Variants in PPEF2 observed in about 807,000 individuals in gnomAD.
The protein encoded by PPEF2 is protein phosphatase with EF-hand domain 2, also known as serine/threonine-protein phosphatase with EF-hands 2.
Under a neutral mutation model 84.7 loss-of-function variants are expected in PPEF2, and 84 were observed. The observed-to-expected ratio is 0.99, with a 90% CI of 0.83 to 1.19. The LOEUF (loss-of-function observed/expected upper bound fraction) is 1.19, where lower values mean the gene tolerates loss of function less well. Ranked by LOEUF, PPEF2 falls within the 50% of genes most tolerant of loss-of-function variation. The probability of loss-of-function intolerance (pLI) is 0.00; values close to 1 mark genes in which losing one functional copy is unlikely to be tolerated. For missense variants in PPEF2, 924 were observed against 937.5 expected, an observed-to-expected ratio of 0.99 and a Z score of 0.19; for synonymous variants, 346 against 345.2, an observed-to-expected ratio of 1.00 and a Z score of -0.03.
Position 75,867,167 on chromosome 4 carries a change from T to C in PPEF2, c.1756+146A>G, listed in dbSNP as rs1203094652. 3 of 555,276 alleles carry C rather than the reference T, an allele frequency of 5.4e-6. No individual in the cohort carries two copies. In the African/African-American group the frequency reaches 5.8e-5, roughly 11 times the overall value. 34.4% of individuals were successfully genotyped at this position (555,276 alleles called of 1,614,324 possible). ...AAATTTAGTTAGAATAAATGAGACA[T>C]TAAGTTGAATAAAATGGAGGATATA... is the stretch of plus-strand genomic sequence containing the variant. On this transcript the variant is annotated intron_variant, in intron 14 of 16. Transcript: ENST00000286719.
At chr4:75,888,621 T>C (rs1724795000) in intron 5 of PPEF2, among the ~76,000 whole-genome samples, 1 of 152,220 alleles carries the variant, frequency 6.6e-6, no homozygotes, top group Non-Finnish European at 1.5e-5. Flanking sequence ...ATGTGATTGT[T>C]TCAGTAAAGT....
chr4:75,874,718 A>G (rs558292737), intron 11 of PPEF2, among the ~76,000 whole-genome samples: 1 of 152,148 alleles, frequency 6.6e-6, no homozygotes. Context: ...TATAATTTCA[A>G]TTCTAAATTG....
At chr4:75,874,755 C>T (rs1347054941) in intron 11 of PPEF2, among the ~76,000 whole-genome samples, 2 of 152,194 alleles carry the variant, frequency 1.3e-5, no homozygotes, top group African/African-American at 4.8e-5. Context: ...CAATAACTGA[C>T]AGAACATTAA....
chr4:75,874,147 T>A (rs898027457), intron 11 of PPEF2, among the ~76,000 whole-genome samples: 32 of 151,808 alleles, frequency 2.1e-4, no homozygotes, highest in African/African-American at 7.3e-4. Flanking sequence ...AATAAATAAA[T>A]AAATAATTGC....
At chr4:75,872,423 A>C (rs1036693279) in intron 12 of PPEF2, among the ~76,000 whole-genome samples, 3 of 152,216 alleles carry the variant, frequency 2.0e-5, no homozygotes, top group Admixed American at 2.0e-4. Context: ...TCCCAAGTGA[A>C]AATAGCAAGG....
At chr4:75,882,056 T>C (rs991790218) in intron 10 of PPEF2, 2 of 152,176 alleles carry the variant, frequency 1.3e-5, no homozygotes, top group Non-Finnish European at 2.9e-5. Flanking sequence ...GCTTTCCATT[T>C]CCAAAATGAA....
At chr4:75,891,059 C>T (rs1172450626) in intron 4 of PPEF2, among the ~76,000 whole-genome samples, 1 of 152,010 alleles carries the variant, frequency 6.6e-6, no homozygotes, top group African/African-American at 2.4e-5. Flanking sequence ...TGGTGCACAC[C>T]TGTAATCCCA....
chr4:75,877,813 G>T (rs1482439862), intron 10 of PPEF2, among the ~76,000 whole-genome samples: 1 of 151,918 alleles, frequency 6.6e-6, no homozygotes, highest in Non-Finnish European at 1.5e-5. Context: ...TTTTACGAAA[G>T]TATTGATCTG....
rs745820921 is a variant in PPEF2 at position 75,896,347 on chromosome 4, C to T, written c.-22G>A. 6.2e-7 allele frequency: 1 copy of T among 1,612,874 alleles called. No homozygotes were observed. The highest frequency in any genetic ancestry group is 1.1e-5 in the South Asian group (1 of 91,048). Reference sequence around the variant, plus strand: ...CCATAGTTTAAGCGCAATGCTCCTGCAGGACGCAGCAGATCCAGAGGACAG... The same window carrying T: ...CCATAGTTTAAGCGCAATGCTCCTGTAGGACGCAGCAGATCCAGAGGACAG... On this transcript the variant is annotated 5_prime_UTR_variant, in exon 2 of 17. Coordinates refer to ENST00000286719, the MANE Select transcript of PPEF2 (RefSeq NM_006239.3).
In PPEF2 at chr4:75,873,138, G is replaced by A. The variant is rs1043250497; in HGVS notation, c.1495C>T (p.His499Tyr). Residue 499 changes from histidine to tyrosine, a missense_variant, in exon 12 of 17, where the codon CAC (histidine) becomes TAC (tyrosine). His to Tyr is a moderately conservative substitution (Grantham distance 83). Coordinates refer to ENST00000286719, the MANE Select transcript of PPEF2 (RefSeq NM_006239.3). ...ECKPEGYEFC[H>Y]NRKVLTIFSA... ...GAGGGAGCACCCACCTTGCGGTTGT[G>A]ACAGAATTCATAGCCTTCAGGTTTG... is the stretch of plus-strand genomic sequence containing the variant. The A allele has an allele frequency of 1.2e-6, 2 of 1,613,592 alleles. No homozygotes were observed. Among genetic ancestry groups the A allele is most frequent in the African/African-American group, 2.7e-5 (2 of 74,926 alleles).
chr4:75,872,419 G>T (rs1316286299), intron 12 of PPEF2, among the ~76,000 whole-genome samples: 2 of 152,090 alleles, frequency 1.3e-5, no homozygotes, highest in Non-Finnish European at 2.9e-5. Flanking sequence ...TTTATCCCAA[G>T]TGAAAATAGC....
chr4:75,877,372 A>G lies in PPEF2; in HGVS notation c.934-699T>C, dbSNP rs540461581. Among the ~76,000 whole-genome samples, 29 of 17,504 alleles carry G rather than the reference A, an allele frequency of 1.7e-3. 1 individual carries two copies. In the South Asian group the frequency reaches 0.25, roughly 154 times the overall value. The allele number at this position is 17,504 out of a possible 152,430, so 11.5% of individuals were successfully genotyped here. ...ATAAACAATAAAAAAGAGAGAGAGA[A>G]AGAAAGAGAGAAAGAAAGAAGAGGA... On this transcript the variant is annotated intron_variant, in intron 10 of 16. Transcript: ENST00000286719.
intron 7 of PPEF2, 86 bp from the exon 8 acceptor site, chr4:75,884,846 C>T: frequency 8.5e-7 from 1 of 1,181,882 alleles, no homozygotes; most frequent in Non-Finnish European, 1.2e-6. Flanking sequence ...TTGACAATCA[C>T]ATCATGTCTA....
At chr4:75,861,670 C>G in intron 16 of PPEF2, among the ~76,000 whole-genome samples, 1 of 129,302 alleles carries the variant, frequency 7.7e-6, no homozygotes, top group Non-Finnish European at 1.6e-5. Context: ...AGTGCAGTGG[C>G]ACAATCTCAG....
At chr4:75,881,869 TA>T (rs1362149713) in intron 10 of PPEF2, 2 of 152,228 alleles carry the variant, frequency 1.3e-5, no homozygotes, top group African/African-American at 4.8e-5. Flanking sequence ...ATGTCTCATA[TA>T]CATAGACTTT....
At chr4:75,893,256 G>C (rs1468084247) in intron 2 of PPEF2, among the ~76,000 whole-genome samples, 1 of 152,164 alleles carries the variant, frequency 6.6e-6, no homozygotes, top group Non-Finnish European at 1.5e-5. Context: ...CTAACACTTT[G>C]GGAGGCTGAG....
At chr4:75,897,351 TTTAA>T (rs1341216990) in intron 1 of PPEF2, among the ~76,000 whole-genome samples, 3 of 152,144 alleles carry the variant, frequency 2.0e-5, no homozygotes, top group African/African-American at 7.2e-5. Flanking sequence ...CCCTGGCTGG[TTTAA>T]TTAACTCTCA....
chr4:75,861,802 G>T (rs1417110801), intron 16 of PPEF2, among the ~76,000 whole-genome samples: 2 of 140,158 alleles, frequency 1.4e-5, no homozygotes, highest in Admixed American at 7.5e-5. Context: ...GTAGAGACGG[G>T]GTTTCACCAT....
rs77909880 is a variant in PPEF2 at position 75,866,322 on chromosome 4, G to A, written c.1787C>T (p.Ala596Val). 129 of 1,613,830 alleles carry A rather than the reference G, an allele frequency of 8.0e-5. No homozygotes were observed. The East Asian group carries it at 1.9e-3, about 23-fold the overall frequency. Reference sequence around the variant, plus strand: ...TCCTAGGTGCAACACAGACTCCACCGCTGCTGCCCAGTCACTCAAGGTGAT... The same window carrying A: ...TCCTAGGTGCAACACAGACTCCACCACTGCTGCCCAGTCACTCAAGGTGAT... Reference protein sequence around the residue: ...GLITLSDWAAAVESVLHLGLP... With the variant: ...GLITLSDWAAVVESVLHLGLP... Residue 596 changes from alanine (A) to valine (V), a missense_variant, in exon 15 of 17, where the codon GCG (alanine) becomes GTG (valine). Physicochemically the swap from Ala to Val is moderately conservative, Grantham distance 64 (BLOSUM62 0). Transcript: ENST00000286719.
Sources: gnomAD v4.1 joint callset for allele counts (sites outside exome capture counted in the v4.1 genomes callset) on GRCh38, gnomAD v4.1.1 for gene constraint, MANE v1.5 for transcripts, NCBI Gene and HGNC (gene_info 2026-07-23, HGNC 2026-07-21) for gene names.